The following DRC11 variants were observed in gnomAD, a reference collection of about 807,000 sequenced individuals.
The protein encoded by DRC11 is IQ and AAA domain-containing protein 1.
At chr2:236,484,303 G>A in the DRC11 span, among the ~76,000 whole-genome samples, 1 of 152,150 alleles carries the variant, frequency 6.6e-6, no homozygotes, top group Non-Finnish European at 1.5e-5. Context: ...AATTATTTAA[G>A]TCATGATTCA....
the DRC11 span, among the ~76,000 whole-genome samples, chr2:236,326,912 G>GTTTTGCCA: frequency 5.7e-4 from 86 of 151,764 alleles, 4 homozygotes; most frequent in South Asian, 0.018. Context: ...TAGAGGCGGG[G>GTTTTGCCA]TTTTGCCATG....
chr2:236,430,179 T>C, the DRC11 span, among the ~76,000 whole-genome samples: 1 of 147,970 alleles, frequency 6.8e-6, no homozygotes, highest in East Asian at 2.0e-4. The surrounding 1 kb of genome is among the most constrained non-coding windows in gnomAD (Gnocchi z 6.0). Flanking sequence ...TTTATATACA[T>C]ATATGCGAAT....
chr2:236,358,845 G>GCC, the DRC11 span, among the ~76,000 whole-genome samples: 3 of 148,136 alleles, frequency 2.0e-5, no homozygotes, highest in South Asian at 6.4e-4. Context: ...CCGTCACGTG[G>GCC]CCCCCCAGCT....
the DRC11 span, among the ~76,000 whole-genome samples, chr2:236,444,193 A>G: frequency 2.0e-5 from 3 of 152,222 alleles, no homozygotes; most frequent in African/African-American, 4.8e-5. Flanking sequence ...CTTTAGTTTA[A>G]TTAGATCCCA....
the DRC11 span, among the ~76,000 whole-genome samples, chr2:236,492,787 CA>C: frequency 6.6e-6 from 1 of 152,170 alleles, no homozygotes; most frequent in African/African-American, 2.4e-5. Context: ...GGGATGACTG[CA>C]AGAATCCAGG....
the DRC11 span, among the ~76,000 whole-genome samples, chr2:236,453,518 C>T: frequency 8.5e-5 from 13 of 152,314 alleles, no homozygotes; most frequent in Admixed American, 3.3e-4. This position sits in a 1 kb window ranked among gnomAD's most constrained non-coding sequence, Gnocchi z 4.9. Context: ...TGTCCTCTGC[C>T]GCAGATGCGT....
chr2:236,470,141 G>A, the DRC11 span, among the ~76,000 whole-genome samples: 979 of 152,316 alleles, frequency 6.4e-3, 9 homozygotes, highest in African/African-American at 0.022. This position sits in a 1 kb window ranked among gnomAD's most constrained non-coding sequence, Gnocchi z 5.1. Context: ...TCTAATGTTT[G>A]ATGGGCTTTG....
chr2:236,357,831 CTATA>C, the DRC11 span, among the ~76,000 whole-genome samples: 2 of 122,160 alleles, frequency 1.6e-5, no homozygotes, highest in East Asian at 4.8e-4. Context: ...TATACATATA[CTATA>C]TAAATATGTA....
the DRC11 span, among the ~76,000 whole-genome samples, chr2:236,399,876 T>G: frequency 1.3e-5 from 2 of 152,074 alleles, no homozygotes; most frequent in Non-Finnish European, 2.9e-5. This position sits in a 1 kb window ranked among gnomAD's most constrained non-coding sequence, Gnocchi z 7.0. Context: ...CCACCACACC[T>G]GGCTAATTTT....
chr2:236,414,917 C>T, the DRC11 span, among the ~76,000 whole-genome samples: 3 of 152,096 alleles, frequency 2.0e-5, no homozygotes, highest in African/African-American at 7.2e-5. Context: ...CTCCACTAGC[C>T]CTGCAATAAA....
the DRC11 span, among the ~76,000 whole-genome samples, chr2:236,358,276 G>T: frequency 7.9e-6 from 1 of 126,474 alleles, no homozygotes; most frequent in South Asian, 2.3e-4. Context: ...ATAATATATA[G>T]ATATATATAC....
chr2:236,371,368 TG>T, the DRC11 span, among the ~76,000 whole-genome samples: 1 of 152,140 alleles, frequency 6.6e-6, no homozygotes, highest in East Asian at 1.9e-4. The surrounding 1 kb of genome is among the most constrained non-coding windows in gnomAD (Gnocchi z 5.1). Context: ...TGAGGGTGCC[TG>T]GGTCCTCATC....
chr2:236,371,639 A>G, the DRC11 span, among the ~76,000 whole-genome samples: 1 of 152,196 alleles, frequency 6.6e-6, no homozygotes, highest in East Asian at 1.9e-4. This position sits in a 1 kb window ranked among gnomAD's most constrained non-coding sequence, Gnocchi z 5.1. Flanking sequence ...TATATAGAGA[A>G]TGCTCACTAC....
chr2:236,362,568 T>G, the DRC11 span, among the ~76,000 whole-genome samples: 1 of 152,238 alleles, frequency 6.6e-6, no homozygotes, highest in Non-Finnish European at 1.5e-5. The surrounding 1 kb of genome is among the most constrained non-coding windows in gnomAD (Gnocchi z 5.7). Context: ...CAACTGTTTC[T>G]GTTATCAGGA....
chr2:236,425,648 A>G, the DRC11 span, among the ~76,000 whole-genome samples: 1 of 151,860 alleles, frequency 6.6e-6, no homozygotes, highest in Non-Finnish European at 1.5e-5. Flanking sequence ...GTGCAATCCC[A>G]TTTACCTGTT....
the DRC11 span, among the ~76,000 whole-genome samples, chr2:236,420,764 C>G: frequency 1.3e-5 from 2 of 152,054 alleles, no homozygotes; most frequent in Admixed American, 1.3e-4. This position sits in a 1 kb window ranked among gnomAD's most constrained non-coding sequence, Gnocchi z 4.8. Flanking sequence ...GAGCTATGAT[C>G]CAGCCACTGC....
chr2:236,407,289 G>A, the DRC11 span, among the ~76,000 whole-genome samples: 30 of 152,126 alleles, frequency 2.0e-4, 1 homozygote, highest in African/African-American at 4.8e-5. Flanking sequence ...AATTTTTGTC[G>A]GAAAGAGCTT....
the DRC11 span, among the ~76,000 whole-genome samples, chr2:236,319,258 C>T: frequency 2.0e-5 from 3 of 152,202 alleles, no homozygotes; most frequent in Admixed American, 6.5e-5. The surrounding 1 kb of genome is among the most constrained non-coding windows in gnomAD (Gnocchi z 6.7). Context: ...AATGTGCCCT[C>T]GTGCCAGGCA....
At chr2:236,375,968 GC>G in the DRC11 span, among the ~76,000 whole-genome samples, 175 of 152,246 alleles carry the variant, frequency 1.1e-3, no homozygotes, top group African/African-American at 4.1e-3. The surrounding 1 kb of genome is among the most constrained non-coding windows in gnomAD (Gnocchi z 4.2). Context: ...AATCTCCACA[GC>G]CTCAAAATAT....
Sources: gnomAD v4.1 joint callset for allele counts (sites outside exome capture counted in the v4.1 genomes callset) on GRCh38, gnomAD v4.1.1 for gene constraint, Gnocchi (gnomAD v3.1) non-coding constraint, MANE v1.5 for transcripts, NCBI Gene and HGNC (gene_info 2026-07-23, HGNC 2026-07-21) for gene names.